ALPL: variants seen among roughly 807,000 people sequenced by gnomAD.
ALPL encodes the protein alkaline phosphatase, tissue-nonspecific isozyme.
Under a neutral mutation model 51.3 loss-of-function variants are expected in ALPL, and 42 were observed. That is an observed-to-expected ratio of 0.82 (90% CI 0.64 to 1.06). The LOEUF is 1.06. ALPL is among the 50% of genes least tolerant of loss of function. The pLI, the probability that ALPL is intolerant of heterozygous loss-of-function variation, is 0.00. For missense variants in ALPL, 589 were observed against 709.4 expected, an observed-to-expected ratio of 0.83 and a Z score of 1.93; for synonymous variants, 279 against 296.4, an observed-to-expected ratio of 0.94 and a Z score of 0.60.
rs1190709282 is a variant in ALPL, at chr1:21,564,439, CCCCAAGAA to C, written c.648+226_648+233del. The stretch of plus-strand genomic sequence containing the variant: ...GAACCCTCATGTGACCGCCACCACA[CCCCAAGAA>C]CCAGGCATCCAGGGATGATTCCATA... On this transcript the variant is annotated intron_variant, in intron 6 of 11. Coordinates refer to ENST00000374840, the MANE Select transcript of ALPL (RefSeq NM_000478.6). The surrounding 1 kb of genome is among the most constrained non-coding windows in gnomAD (Gnocchi z 5.8). Among the ~76,000 whole-genome samples the C allele has an allele frequency of 1.3e-5, 2 of 152,220 alleles. No homozygotes were observed. The highest frequency in any genetic ancestry group is 2.9e-5 in the Non-Finnish European group (2 of 68,044).
rs371984578 is a variant in ALPL at position 21,577,453 on chromosome 1, C to T, written c.1380C>T (p.Ala460=). The change falls in exon 12 of 12, where the codon GCC becomes GCT. Residue 460 remains alanine (A), a synonymous_variant. Transcript: ENST00000374840. ...RHETHGGEDV[A]VFSKGPMAHL... ...AGACCCACGGCGGGGAGGACGTGGC[C>T]GTCTTCTCCAAGGGCCCCATGGCGC... 133 of 1,611,500 alleles carry T rather than the reference C, an allele frequency of 8.3e-5. No individual in the cohort carries two copies. Among genetic ancestry groups the T allele is most frequent in the African/African-American group, 4.3e-4 (32 of 74,934 alleles).
At chr1:21,522,133 G>A (rs1328013266) in intron 1 of ALPL, among the ~76,000 whole-genome samples, 6 of 150,302 alleles carry the variant, frequency 4.0e-5, no homozygotes, top group African/African-American at 1.2e-4. Flanking sequence ...GTGCAGTGGC[G>A]CAATCTCGGC....
At chr1:21,537,744 G>A (rs1644128893) in intron 1 of ALPL, among the ~76,000 whole-genome samples, 1 of 152,202 alleles carries the variant, frequency 6.6e-6, no homozygotes, top group Non-Finnish European at 1.5e-5. Flanking sequence ...GACGGACCTG[G>A]CCTGAATCCC....
chr1:21,544,250 G>A (rs1644226009), intron 1 of ALPL, among the ~76,000 whole-genome samples: 2 of 152,228 alleles, frequency 1.3e-5, no homozygotes, highest in African/African-American at 4.8e-5. Context: ...GAGGTGCAGG[G>A]ACTGACCCAG....
intron 9 of ALPL, chr1:21,574,559 G>A (rs988657908): frequency 6.6e-6 from 1 of 152,356 alleles, no homozygotes; most frequent in African/African-American, 2.4e-5. Flanking sequence ...ACGTGAACAT[G>A]TTTGCACATA....
chr1:21,536,655 C>G (rs902142397), intron 1 of ALPL, among the ~76,000 whole-genome samples: 1 of 152,118 alleles, frequency 6.6e-6, no homozygotes, highest in African/African-American at 2.4e-5. Flanking sequence ...ACAGAGTCTT[C>G]CAGCTGGAGC....
At chr1:21,542,328 C>G (rs1020765441) in intron 1 of ALPL, among the ~76,000 whole-genome samples, 11 of 152,168 alleles carry the variant, frequency 7.2e-5, no homozygotes, top group African/African-American at 2.4e-4. Context: ...CCCAGAAGGC[C>G]CAGCTGACAG....
chr1:21,544,112 G>A (rs1218848304), intron 1 of ALPL, among the ~76,000 whole-genome samples: 1 of 152,228 alleles, frequency 6.6e-6, no homozygotes, highest in Non-Finnish European at 1.5e-5. Context: ...TGTAAAGGGG[G>A]ACAGCTCTGT....
chr1:21,539,951 C>T (rs117071379), intron 1 of ALPL, among the ~76,000 whole-genome samples: 478 of 152,270 alleles, frequency 3.1e-3, no homozygotes, highest in East Asian at 0.011. Context: ...CCACCGCGCC[C>T]GGCCTGTGCC....
At chr1:21,528,713 A>G (rs1267415413) in intron 1 of ALPL, among the ~76,000 whole-genome samples, 1 of 152,074 alleles carries the variant, frequency 6.6e-6, no homozygotes, top group Non-Finnish European at 1.5e-5. Context: ...GATGAAGTCC[A>G]ATTTACCTTT....
chr1:21,554,023 C>T lies in ALPL; in HGVS notation c.-59C>T. ...TCTGACCACTGCCAGCCCACCCCCT[C>T]CCACCCACGTCGATTGCATCTCTGG... is the stretch of plus-strand genomic sequence containing the variant. On this transcript the variant is annotated 5_prime_UTR_variant, in exon 2 of 12. Coordinates refer to ENST00000374840, the MANE Select transcript of ALPL (RefSeq NM_000478.6). 1 of 1,024,108 alleles carries T rather than the reference C, an allele frequency of 9.8e-7. No homozygotes were observed. The highest frequency in any genetic ancestry group is 1.5e-6 in the Non-Finnish European group (1 of 656,748). The allele number at this position is 1,024,108 out of a possible 1,614,324, so 63.4% of individuals were successfully genotyped here.
intron 9 of ALPL, among the ~76,000 whole-genome samples, chr1:21,575,144 C>T (rs867227580): frequency 1.2e-4 from 19 of 152,346 alleles, no homozygotes; most frequent in African/African-American, 3.6e-4. Flanking sequence ...CCTCTGGGAG[C>T]TCCGTGCTTT....
chr1:21,543,242 T>C (rs1444044634), intron 1 of ALPL, among the ~76,000 whole-genome samples: 6 of 152,194 alleles, frequency 3.9e-5, no homozygotes, highest in East Asian at 1.9e-4. Flanking sequence ...GGGGCTGTTA[T>C]GTCTTTCTAA....
rs1644366657 is a variant in ALPL at position 21,554,086 on chromosome 1, T to C, written c.5T>C (p.Ile2Thr). The C allele has an allele frequency of 1.3e-6, 2 of 1,595,662 alleles. No individual in the cohort carries two copies. The highest frequency in any genetic ancestry group is 1.7e-4 in the Middle Eastern group (1 of 5,876). Residue 2 changes from isoleucine to threonine, a missense_variant, in exon 2 of 12, where the codon ATT (isoleucine) becomes ACT (threonine). Coordinates refer to ENST00000374840, the MANE Select transcript of ALPL (RefSeq NM_000478.6). M[I>T]SPFLVLAIGT... Reference sequence around the variant, plus strand: ...AAGCAGGTCTTGGGGTGCACCATGATTTCACCATTCTTAGTACTGGCCATT... The same window carrying C: ...AAGCAGGTCTTGGGGTGCACCATGACTTCACCATTCTTAGTACTGGCCATT...
intron 1 of ALPL, among the ~76,000 whole-genome samples, chr1:21,542,408 T>C (rs1182487111): frequency 6.6e-6 from 1 of 152,238 alleles, no homozygotes; most frequent in African/African-American, 2.4e-5. Flanking sequence ...AGCTGAGAGA[T>C]GCAGGGTCTG....
rs1394987993 is a variant in ALPL, at chr1:21,564,503, C to T, written c.648+287C>T. On this transcript the variant is annotated intron_variant, in intron 6 of 11. Transcript: ENST00000374840. The surrounding 1 kb of genome is among the most constrained non-coding windows in gnomAD (Gnocchi z 5.8). Reference sequence around the variant, plus strand: ...AAACCTGGTGCTGTGCCCTCCTCTGCCCCCCACTACACGGGAGGTGGTGAT... The same window carrying T: ...AAACCTGGTGCTGTGCCCTCCTCTGTCCCCCACTACACGGGAGGTGGTGAT... Among the ~76,000 whole-genome samples, 1 of 152,182 alleles carries T rather than the reference C, an allele frequency of 6.6e-6. No homozygotes were observed. Among genetic ancestry groups the T allele is most frequent in the Non-Finnish European group, 1.5e-5 (1 of 68,024 alleles).
At chr1:21,525,347 T>C (rs1463496058) in intron 1 of ALPL, among the ~76,000 whole-genome samples, 1 of 152,210 alleles carries the variant, frequency 6.6e-6, no homozygotes, top group Non-Finnish European at 1.5e-5. Flanking sequence ...GAAAAATGCA[T>C]GGCCCATAGA....
chr1:21,544,736 A>T (rs1644231264), intron 1 of ALPL, among the ~76,000 whole-genome samples: 1 of 152,220 alleles, frequency 6.6e-6, no homozygotes, highest in East Asian at 1.9e-4. Context: ...ACAAAGTGAA[A>T]CTGTCTCAAA....
rs184605873 is a variant in ALPL at position 21,575,251 on chromosome 1, C to T, written c.998-482C>T. Among the ~76,000 whole-genome samples, 5 of 152,254 alleles carry T rather than the reference C, an allele frequency of 3.3e-5. No homozygotes were observed. In the East Asian group the frequency reaches 9.7e-4, roughly 29 times the overall value. On this transcript the variant is annotated intron_variant, in intron 9 of 11. Transcript: ENST00000374840. ...CTGGCAAATCCCACCGTGGGCTTCCCCACACTAGGCCTCAGTTGCTCCATC... is the reference window on the plus strand; with the variant it reads ...CTGGCAAATCCCACCGTGGGCTTCCTCACACTAGGCCTCAGTTGCTCCATC...
Sources: allele counts gnomAD v4.1 joint callset (sites outside exome capture counted in the v4.1 genomes callset), GRCh38; gene constraint gnomAD v4.1.1; non-coding constraint Gnocchi (gnomAD v3.1); transcripts MANE v1.5; gene names NCBI Gene and HGNC (gene_info 2026-07-23, HGNC 2026-07-21).